ST8SIA6: variants seen among roughly 807,000 people sequenced by gnomAD.
ST8SIA6 encodes alpha-2,8-sialyltransferase 8F.
A neutral mutation model predicts 33.6 loss-of-function variants in ST8SIA6; 39 were observed. The ratio of observed to expected loss-of-function variants is 1.16; its 90% confidence interval spans 0.90 to 1.52. ST8SIA6 has a LOEUF of 1.52. ST8SIA6 is among the 40% of genes most tolerant of loss of function. The pLI is 0.00. For synonymous variants in ST8SIA6, 172 were observed against 167.2 expected, an observed-to-expected ratio of 1.03 and a Z score of -0.22; for missense variants, 441 against 443.8, an observed-to-expected ratio of 0.99 and a Z score of 0.06.
Position 17,342,392 on chromosome 10 carries a change from T to C in ST8SIA6, c.378-10840A>G, listed in dbSNP as rs116132436. Among the ~76,000 whole-genome samples, 1,149 of 152,264 alleles carry C rather than the reference T, an allele frequency of 7.5e-3. 14 individuals are homozygous for C. Among genetic ancestry groups the C allele is most frequent in the African/African-American group, 0.026 (1,080 of 41,554 alleles). On this transcript the variant is annotated intron_variant, in intron 4 of 7. Transcript: ENST00000377602. Reference sequence around the variant, plus strand: ...CTGGGAGTTAGGGGAGATTTTGTGATGGAGCTGTTAACACCGAACCCAGCG... The same window carrying C: ...CTGGGAGTTAGGGGAGATTTTGTGACGGAGCTGTTAACACCGAACCCAGCG...
intron 7 of ST8SIA6, among the ~76,000 whole-genome samples, chr10:17,322,794 G>T (rs1365731236): frequency 6.6e-6 from 1 of 152,078 alleles, no homozygotes; most frequent in Non-Finnish European, 1.5e-5. Context: ...GGAAAAAAGT[G>T]GCTTCATTAT....
At chr10:17,369,412 C>G (rs1334836190) in intron 3 of ST8SIA6, among the ~76,000 whole-genome samples, 1 of 152,160 alleles carries the variant, frequency 6.6e-6, no homozygotes. Context: ...TTTCAAATAT[C>G]ACTTCATTGT....
intron 2 of ST8SIA6, among the ~76,000 whole-genome samples, chr10:17,399,953 T>G (rs1850976382): frequency 1.3e-5 from 2 of 150,938 alleles, no homozygotes; most frequent in Non-Finnish European, 2.9e-5. Flanking sequence ...GTAACTCTCA[T>G]GCACATATAA....
chr10:17,380,855 GTGTGTATGTGTT>G (rs1850117730), intron 3 of ST8SIA6, among the ~76,000 whole-genome samples: 3 of 151,866 alleles, frequency 2.0e-5, no homozygotes, highest in Middle Eastern at 3.2e-3. Context: ...TTGTGTGTTT[GTGTGTATGTGTT>G]TGTATGTGTA....
chr10:17,386,803 G>T (rs1003798231), intron 3 of ST8SIA6: 3 of 152,258 alleles, frequency 2.0e-5, no homozygotes, highest in Non-Finnish European at 4.4e-5. Flanking sequence ...AAGTGTTTCA[G>T]TCTGTGTATC....
intron 3 of ST8SIA6, among the ~76,000 whole-genome samples, chr10:17,382,232 A>G (rs1393596237): frequency 2.7e-5 from 4 of 150,804 alleles, no homozygotes; most frequent in Admixed American, 6.7e-5. Flanking sequence ...GGAATTTTCC[A>G]ATAAAAGAAG....
chr10:17,423,677 T>G (rs764695531), intron 2 of ST8SIA6, among the ~76,000 whole-genome samples: 9 of 152,124 alleles, frequency 5.9e-5, no homozygotes, highest in African/African-American at 9.7e-5. Context: ...CAACACGACA[T>G]CTACAGAAAA....
chr10:17,365,007 A>C (rs1849513816), intron 3 of ST8SIA6, among the ~76,000 whole-genome samples: 1 of 152,216 alleles, frequency 6.6e-6, no homozygotes. Flanking sequence ...CTTTTGATTC[A>C]CATTCTGGCT....
intron 7 of ST8SIA6, 89 bp from the exon 8 acceptor site, chr10:17,321,435 C>A: frequency 9.3e-7 from 1 of 1,073,680 alleles, no homozygotes; most frequent in South Asian, 1.7e-5. Context: ...TACCATTGGT[C>A]AAAACACTGA....
Position 17,320,584 on chromosome 10 carries a change from A to G in ST8SIA6, c.*294T>C. The G allele has an allele frequency of 2.8e-6, 1 of 353,330 alleles. No homozygotes were observed. Among genetic ancestry groups the G allele is most frequent in the South Asian group, 3.8e-5 (1 of 26,186 alleles). 21.9% of individuals were successfully genotyped at this position (353,330 alleles called of 1,614,324 possible). A position where few individuals can be genotyped will look rare whatever the true frequency, so the allele number is the denominator to read the frequency against. On this transcript the variant is annotated 3_prime_UTR_variant, in exon 8 of 8. Coordinates refer to ENST00000377602, the MANE Select transcript of ST8SIA6 (RefSeq NM_001004470.3). ...GTGGAGATGGCTGGTATAAATAGTA[A>G]GAAAGAAATATTCTTTGAGTCCCTA...
Position 17,386,557 on chromosome 10 carries a change from T to C in ST8SIA6, c.290+3974A>G, listed in dbSNP as rs535155474. 3.9e-5 allele frequency among the ~76,000 whole-genome samples: 6 copies of C among 152,184 alleles called. No homozygotes were observed. In the East Asian group the frequency reaches 9.7e-4, roughly 25 times the overall value. On this transcript the variant is annotated intron_variant, in intron 3 of 7. Coordinates refer to ENST00000377602, the MANE Select transcript of ST8SIA6 (RefSeq NM_001004470.3). ...CTCCAAGAAAAAAGAAAGAAAAGCA[T>C]GTAGTTAACCTGCAACGACATCAAA...
At chr10:17,447,449 G>A (rs112792517) in intron 2 of ST8SIA6, among the ~76,000 whole-genome samples, 3,231 of 151,594 alleles carry the variant, frequency 0.021, 39 homozygotes, top group African/African-American at 0.032. Context: ...AAAATACAAG[G>A]AAAGCTTTCA....
intron 2 of ST8SIA6, among the ~76,000 whole-genome samples, chr10:17,443,957 C>G (rs1035346947): frequency 2.6e-5 from 4 of 152,206 alleles, no homozygotes; most frequent in African/African-American, 7.2e-5. Context: ...AAAGGAATCG[C>G]TGCACCTTGC....
At chr10:17,372,870 T>A (rs920368722) in intron 3 of ST8SIA6, among the ~76,000 whole-genome samples, 9 of 152,206 alleles carry the variant, frequency 5.9e-5, no homozygotes, top group Non-Finnish European at 1.2e-4. Context: ...GGGGCAGCCC[T>A]CTTTAGGCTG....
chr10:17,431,783 A>G (rs1852110340), intron 2 of ST8SIA6, among the ~76,000 whole-genome samples: 1 of 151,984 alleles, frequency 6.6e-6, no homozygotes, highest in Non-Finnish European at 1.5e-5. Context: ...GTCAGTTTCT[A>G]CTATATGCCA....
At chr10:17,396,283 T>A (rs966823716) in intron 2 of ST8SIA6, among the ~76,000 whole-genome samples, 15 of 152,280 alleles carry the variant, frequency 9.9e-5, no homozygotes, top group African/African-American at 3.6e-4. Context: ...TATATTCCTA[T>A]ACCTGACTCA....
At chr10:17,386,843 C>T (rs778006357) in intron 3 of ST8SIA6, 1 of 152,338 alleles carries the variant, frequency 6.6e-6, no homozygotes, top group African/African-American at 2.4e-5. Flanking sequence ...GTAGGCCTCT[C>T]TCTGGGTCTT....
chr10:17,398,640 G>A (rs1273542737), intron 2 of ST8SIA6, among the ~76,000 whole-genome samples: 1 of 152,144 alleles, frequency 6.6e-6, no homozygotes, highest in Admixed American at 6.5e-5. Flanking sequence ...TAAATGTAAA[G>A]CTTAAAACCA....
At chr10:17,426,395 TA>T (rs754288640) in intron 2 of ST8SIA6, among the ~76,000 whole-genome samples, 3 of 152,194 alleles carry the variant, frequency 2.0e-5, no homozygotes, top group Non-Finnish European at 4.4e-5. Context: ...AGCAAGTTTT[TA>T]CATGGCTAAC....
Sources: gnomAD v4.1 joint callset for allele counts (sites outside exome capture counted in the v4.1 genomes callset) on GRCh38, gnomAD v4.1.1 for gene constraint, MANE v1.5 for transcripts, NCBI Gene and HGNC (gene_info 2026-07-23, HGNC 2026-07-21) for gene names.